The following CTNNB1 variants were observed in gnomAD, a reference collection of about 807,000 sequenced individuals.
CTNNB1 encodes the protein catenin beta-1.
CTNNB1 carries 6 observed loss-of-function variants against 82.5 expected under a neutral mutation model. The ratio of observed to expected loss-of-function variants is 0.07; its 90% confidence interval spans 0.04 to 0.14. CTNNB1 has a LOEUF of 0.14. Ranked by LOEUF, CTNNB1 falls within the 10% of genes least tolerant of loss-of-function variation. The pLI, the probability that CTNNB1 is intolerant of heterozygous loss-of-function variation, is 1.00. For missense variants in CTNNB1, 529 were observed against 980.4 expected (o/e 0.54, Z 6.15); for synonymous variants, 312 against 329.7 (o/e 0.95, Z 0.58).
intron 1 of CTNNB1, among the ~76,000 whole-genome samples, chr3:41,206,286 T>A (rs978469204): frequency 6.6e-6 from 1 of 152,170 alleles, no homozygotes; most frequent in Admixed American, 6.5e-5. Context: ...ACCTTATGAT[T>A]AATAAATCTT....
At position 41,223,838 on chromosome 3, in the gene CTNNB1, T is replaced by A. The variant is rs4135374; in HGVS notation, c.-48-183T>A. 2.6e-3 allele frequency among the ~76,000 whole-genome samples: 403 copies of A among 152,238 alleles called. 4 individuals are homozygous for A. The highest frequency in any genetic ancestry group is 0.014 in the Middle Eastern group (4 of 294). On this transcript the variant is annotated intron_variant, in intron 1 of 14. Coordinates refer to ENST00000349496, the MANE Select transcript of CTNNB1 (RefSeq NM_001904.4). The stretch of plus-strand genomic sequence containing the variant: ...AGGAGTTTTCACTGAAGTTCAGCAG[T>A]GATGGAGCTGTGGTTGAGGTGTCTG...
chr3:41,232,529 T>TA (rs1295418408), intron 7 of CTNNB1, among the ~76,000 whole-genome samples: 1 of 151,990 alleles, frequency 6.6e-6, no homozygotes, highest in East Asian at 1.9e-4. Flanking sequence ...AAGTATCTCT[T>TA]ACTGCATTCA....
At chr3:41,228,087 T>C (rs1354583450) in intron 7 of CTNNB1, among the ~76,000 whole-genome samples, 2 of 152,222 alleles carry the variant, frequency 1.3e-5, no homozygotes, top group African/African-American at 4.8e-5. Context: ...TTCCATAGTA[T>C]ATATGTACCA....
chr3:41,236,270 G>C (rs981350625), intron 11 of CTNNB1, 79 bp from the exon 12 acceptor site: 1 of 1,540,524 alleles, frequency 6.5e-7, no homozygotes, highest in Non-Finnish European at 9.0e-7. Context: ...TCTGAATTGG[G>C]AATGTTTGCA....
rs2078165063 is a variant in CTNNB1, at chr3:41,225,938, C to T, written c.936+77C>T. 18 of 1,417,780 alleles carry T rather than the reference C, an allele frequency of 1.3e-5. No individual in the cohort carries two copies. In the South Asian group the frequency reaches 2.1e-4, roughly 17 times the overall value. The allele number at this position is 1,417,780 out of a possible 1,614,324, so 87.8% of individuals were successfully genotyped here. A position where few individuals can be genotyped will look rare whatever the true frequency, so the allele number is the denominator to read the frequency against. On this transcript the variant is annotated intron_variant, in intron 6 of 14. Transcript: ENST00000349496. The surrounding 1 kb of genome is among the most constrained non-coding windows in gnomAD (Gnocchi z 5.3). The stretch of plus-strand genomic sequence containing the variant: ...TGTCATGTCATTCCATGCAGTGTTC[C>T]TAACCTTTTTGGCACCAGGGACCAG...
At chr3:41,224,815 G>GT (rs1437602444) in intron 3 of CTNNB1, 62 bp downstream of exon 3, 1 of 1,593,892 alleles carries the variant, frequency 6.3e-7, no homozygotes, top group Non-Finnish European at 8.6e-7. Context: ...GAACTAAAAA[G>GT]TTAGTGTATA....
At chr3:41,201,185 C>T (rs1164963107) in intron 1 of CTNNB1, among the ~76,000 whole-genome samples, 1 of 152,134 alleles carries the variant, frequency 6.6e-6, no homozygotes, top group East Asian at 1.9e-4. Context: ...TTGTATTCAT[C>T]CTAAGAAATA....
chr3:41,211,440 G>A (rs761503085), intron 1 of CTNNB1, among the ~76,000 whole-genome samples: 1 of 152,140 alleles, frequency 6.6e-6, no homozygotes, highest in Non-Finnish European at 1.5e-5. Context: ...GTTAGAAAGA[G>A]TATATCGTAT....
chr3:41,232,845 A>G (rs1202353378), intron 7 of CTNNB1, among the ~76,000 whole-genome samples: 3 of 151,666 alleles, frequency 2.0e-5, no homozygotes, highest in Admixed American at 1.3e-4. Flanking sequence ...TCGCAGCCCC[A>G]CTCCATTATT....
chr3:41,219,867 A>T (rs1340642583), intron 1 of CTNNB1, among the ~76,000 whole-genome samples: 1 of 152,212 alleles, frequency 6.6e-6, no homozygotes, highest in Admixed American at 6.5e-5. Flanking sequence ...TTGGAATAAT[A>T]GACAAAATGG....
chr3:41,229,226 T>G (rs545439448), intron 7 of CTNNB1, among the ~76,000 whole-genome samples: 16 of 152,342 alleles, frequency 1.1e-4, no homozygotes, highest in African/African-American at 3.6e-4. Flanking sequence ...AAATAGTTTT[T>G]TTTTAATTAT....
intron 7 of CTNNB1, among the ~76,000 whole-genome samples, chr3:41,229,541 T>C (rs2078254795): frequency 6.6e-6 from 1 of 152,200 alleles, no homozygotes; most frequent in Non-Finnish European, 1.5e-5. Context: ...GCTTCTGACT[T>C]TTGTACATTG....
rs761303075 is a variant in CTNNB1, at chr3:41,230,535, C to T, written c.1082-2806C>T. On this transcript the variant is annotated intron_variant, in intron 7 of 14. Coordinates refer to ENST00000349496, the MANE Select transcript of CTNNB1 (RefSeq NM_001904.4). The stretch of plus-strand genomic sequence containing the variant: ...TGGGTAACACAACAGATAGGGTCCC[C>T]GTGCTTAATTCTTAGTCTTGTGAAG... Among the ~76,000 whole-genome samples the T allele has an allele frequency of 3.9e-4, 59 of 152,124 alleles. 1 individual carries two copies. The highest frequency in any genetic ancestry group is 3.2e-3 in the Middle Eastern group (1 of 316).
chr3:41,235,777 C>T lies in CTNNB1; in HGVS notation c.1737C>T (p.Ile579=). 6.2e-7 allele frequency: 1 copy of T among 1,614,098 alleles called. No homozygotes were observed. The highest frequency in any genetic ancestry group is 8.5e-7 in the Non-Finnish European group (1 of 1,179,950). ...AAGGTTGTACCGGAGCCCTTCACAT[C>T]CTAGCTCGGGATGTTCACAACCGAA... ...IVEGCTGALH[I]LARDVHNRIV... Residue 579 remains isoleucine, a synonymous_variant, in exon 11 of 15, where the codon ATC becomes ATT. Transcript: ENST00000349496.
intron 11 of CTNNB1, chr3:41,236,061 T>C: frequency 1.4e-6 from 1 of 695,084 alleles, no homozygotes; most frequent in Non-Finnish European, 2.4e-6. Context: ...AGGGGAGAGC[T>C]GACCTGGGCT....
intron 1 of CTNNB1, chr3:41,200,077 G>T (rs1214480101): frequency 7.4e-6 from 1 of 134,494 alleles, no homozygotes; most frequent in East Asian, 2.7e-4. Context: ...GCGGGGTGGG[G>T]ACGGGGGGCT....
At chr3:41,211,529 ACTC>A (rs1407840639) in intron 1 of CTNNB1, among the ~76,000 whole-genome samples, 1 of 151,222 alleles carries the variant, frequency 6.6e-6, no homozygotes, top group Non-Finnish European at 1.5e-5. Context: ...TTCTAACATT[ACTC>A]CTCCTTCCCT....
In CTNNB1 at chr3:41,239,544, CATGTGTGGAAGTTATTAACTTTA is replaced by C; in HGVS notation, c.*207_*229del. The C allele has an allele frequency of 1.6e-6, 1 of 606,100 alleles. No homozygotes were observed. 37.5% of individuals were successfully genotyped at this position (606,100 alleles called of 1,614,324 possible). Reference sequence around the variant, plus strand: ...CTCAGATTTCTGGTTGTTATGTGATCATGTGTGGAAGTTATTAACTTTAATGTTTTTTGCCACAGCTTTTGCAA... The same window carrying C: ...CTCAGATTTCTGGTTGTTATGTGATCATGTTTTTTGCCACAGCTTTTGCAA... On this transcript the variant is annotated 3_prime_UTR_variant, in exon 15 of 15. Coordinates refer to ENST00000349496, the MANE Select transcript of CTNNB1 (RefSeq NM_001904.4).
chr3:41,212,436 T>C (rs1205229347), intron 1 of CTNNB1, among the ~76,000 whole-genome samples: 1 of 152,220 alleles, frequency 6.6e-6, no homozygotes, highest in Admixed American at 6.5e-5. Flanking sequence ...TACTATTCCA[T>C]TATATTACTA....
Sources: gnomAD v4.1 joint callset for allele counts (sites outside exome capture counted in the v4.1 genomes callset) on GRCh38, gnomAD v4.1.1 for gene constraint, Gnocchi (gnomAD v3.1) non-coding constraint, MANE v1.5 for transcripts, NCBI Gene and HGNC (gene_info 2026-07-23, HGNC 2026-07-21) for gene names.